The following HACE1 variants were observed in gnomAD, a reference collection of about 807,000 sequenced individuals.
The protein encoded by HACE1 is E3 ubiquitin-protein ligase HACE1.
In HACE1, 73 loss-of-function variants were observed where a neutral mutation model predicts 118.4. The ratio of observed to expected loss-of-function variants is 0.62; its 90% CI spans 0.51 to 0.75. The LOEUF (loss-of-function observed/expected upper bound fraction) is 0.75. HACE1 is among the 30% of genes least tolerant of loss of function. The pLI is 0.00. For missense variants in HACE1, 749 were observed against 1,102.2 expected (o/e 0.68, Z 4.54); for synonymous variants, 368 against 374.8 (o/e 0.98, Z 0.21).
chr6:104,756,542 T>C (rs1778706600), intron 19 of HACE1, among the ~76,000 whole-genome samples: 1 of 151,782 alleles, frequency 6.6e-6, no homozygotes, highest in Non-Finnish European at 1.5e-5. Context: ...TTGAGACAAA[T>C]TCAGTCATTG....
At position 104,826,541 on chromosome 6, in the gene HACE1, A is replaced by G. The variant is rs569376895; in HGVS notation, c.534+6501T>C. 2.6e-5 allele frequency among the ~76,000 whole-genome samples: 4 copies of G among 152,306 alleles called. No individual in the cohort carries two copies. In the East Asian group the frequency reaches 7.7e-4, roughly 29 times the overall value. Reference sequence around the variant, plus strand: ...AGCCATGAAGTCCAAAAAACCTAACAATTGTGATTTACAATGATGGTCATA... The same window carrying G: ...AGCCATGAAGTCCAAAAAACCTAACGATTGTGATTTACAATGATGGTCATA... On this transcript the variant is annotated intron_variant, in intron 6 of 23. Coordinates refer to ENST00000262903, the MANE Select transcript of HACE1 (RefSeq NM_020771.4).
chr6:104,785,748 C>T (rs912512693), intron 11 of HACE1: 2 of 161,518 alleles, frequency 1.2e-5, no homozygotes, highest in Non-Finnish European at 2.7e-5. Flanking sequence ...AATGAGAACC[C>T]CTAAGTATAA....
chr6:104,740,954 T>G (rs1385745256), intron 22 of HACE1, among the ~76,000 whole-genome samples: 2 of 129,676 alleles, frequency 1.5e-5, no homozygotes, highest in East Asian at 2.1e-4. Flanking sequence ...TCAAAAAGCT[T>G]ATCCACCATG....
intron 19 of HACE1, chr6:104,767,074 C>T (rs1481430336): frequency 6.6e-6 from 1 of 152,162 alleles, no homozygotes; most frequent in Admixed American, 6.6e-5. Flanking sequence ...AATATTAAGG[C>T]TGTTTCCACA....
chr6:104,785,882 C>T (rs1782335615), intron 11 of HACE1: 1 of 152,478 alleles, frequency 6.6e-6, no homozygotes, highest in Non-Finnish European at 1.5e-5. Flanking sequence ...TACTGTGCTC[C>T]TTTCATTACA....
rs558736477 is a variant in HACE1 at position 104,744,815 on chromosome 6, A to G, written c.2344-205T>C. Among the ~76,000 whole-genome samples, 207 of 152,316 alleles carry G rather than the reference A, an allele frequency of 1.4e-3. 2 individuals are homozygous for G. The highest frequency in any genetic ancestry group is 4.9e-3 in the African/African-American group (205 of 41,576). ...ATCTCAAATATTATAAGATGTGGAGATGTTTCCACATTGATACAATTTCAT... is the reference window on the plus strand; with the variant it reads ...ATCTCAAATATTATAAGATGTGGAGGTGTTTCCACATTGATACAATTTCAT... On this transcript the variant is annotated intron_variant, in intron 20 of 23. Coordinates refer to ENST00000262903, the MANE Select transcript of HACE1 (RefSeq NM_020771.4).
chr6:104,823,357 C>A (rs569770234), intron 6 of HACE1, among the ~76,000 whole-genome samples: 12 of 151,842 alleles, frequency 7.9e-5, no homozygotes, highest in African/African-American at 2.9e-4. Flanking sequence ...TCGCTTGAAC[C>A]TGGGAGGCAG....
At position 104,827,725 on chromosome 6, in the gene HACE1, T is replaced by C. The variant is rs548677227; in HGVS notation, c.534+5317A>G. On this transcript the variant is annotated intron_variant, in intron 6 of 23. Coordinates refer to ENST00000262903, the MANE Select transcript of HACE1 (RefSeq NM_020771.4). The stretch of plus-strand genomic sequence containing the variant: ...TCAATTAAGTTTACATGGCTGTCCG[T>C]AACTGGATGAAAAACTTGGAAGCTG... Among the ~76,000 whole-genome samples the C allele has an allele frequency of 1.1e-3, 160 of 152,236 alleles. 2 individuals carry two copies. Among genetic ancestry groups the C allele is most frequent in the African/African-American group, 3.5e-3 (146 of 41,550 alleles).
rs571485345 is a variant in HACE1, at chr6:104,771,328, T to A, written c.2076A>T (p.Gln692His). The A allele has an allele frequency of 6.2e-7, 1 of 1,612,584 alleles. No homozygotes were observed. The highest frequency in any genetic ancestry group is 8.5e-7 in the Non-Finnish European group (1 of 1,178,632). ...CACTTATATCATTATCTAAAATCCA[T>A]TGCAAATTTTTCGCATATTCTGGAT... ...SIDPEYAKNL[Q>H]WILDNDISDL... Residue 692 changes from glutamine (Q) to histidine (H), a missense_variant, in exon 19 of 24, where the codon CAA becomes CAT. Physicochemically the swap from Gln to His is conservative, Grantham distance 24. Coordinates refer to ENST00000262903, the MANE Select transcript of HACE1 (RefSeq NM_020771.4).
intron 22 of HACE1, chr6:104,730,618 C>T (rs932184628): frequency 7.2e-6 from 4 of 558,796 alleles, no homozygotes; most frequent in Non-Finnish European, 1.3e-5. Flanking sequence ...CACCCCTCCA[C>T]ATTTCCATAA....
rs975040390 is a variant in HACE1 at position 104,762,604 on chromosome 6, C to T, written c.2211+8589G>A. Among the ~76,000 whole-genome samples, 83 of 152,200 alleles carry T rather than the reference C, an allele frequency of 5.5e-4. 1 individual carries two copies. Among genetic ancestry groups the T allele is most frequent in the African/African-American group, 1.9e-3 (79 of 41,518 alleles). On this transcript the variant is annotated intron_variant, in intron 19 of 23. Coordinates refer to ENST00000262903, the MANE Select transcript of HACE1 (RefSeq NM_020771.4). Reference sequence around the variant, plus strand: ...TAGGAGAAATACCTAATGTAGCTGACGGTTTCATGGGTGCCACAAACCACC... The same window carrying T: ...TAGGAGAAATACCTAATGTAGCTGATGGTTTCATGGGTGCCACAAACCACC...
intron 20 of HACE1, among the ~76,000 whole-genome samples, chr6:104,749,230 T>A (rs1284910450): frequency 6.6e-6 from 1 of 152,148 alleles, no homozygotes; most frequent in African/African-American, 2.4e-5. Context: ...TCAGGTCTAA[T>A]AATATAATAG....
chr6:104,819,381 T>C (rs1772449706), intron 6 of HACE1, among the ~76,000 whole-genome samples: 1 of 152,088 alleles, frequency 6.6e-6, no homozygotes, highest in South Asian at 2.1e-4. Flanking sequence ...ATCAAAGATA[T>C]CAGAGATGAC....
At chr6:104,759,090 C>T (rs1779039778) in intron 19 of HACE1, among the ~76,000 whole-genome samples, 1 of 152,014 alleles carries the variant, frequency 6.6e-6, no homozygotes, top group East Asian at 1.9e-4. Flanking sequence ...TAGACTCCCA[C>T]ACAATAATGG....
At chr6:104,814,706 G>A (rs536029463) in intron 6 of HACE1, among the ~76,000 whole-genome samples, 5 of 137,344 alleles carry the variant, frequency 3.6e-5, no homozygotes, top group Admixed American at 7.2e-5. Flanking sequence ...GGGACCTGGT[G>A]AGAGGTGACC....
intron 6 of HACE1, among the ~76,000 whole-genome samples, chr6:104,823,934 C>A (rs573343046): frequency 1.3e-5 from 2 of 152,290 alleles, no homozygotes; most frequent in East Asian, 3.9e-4. Flanking sequence ...AGTCATTTCT[C>A]TGAGGACAGC....
In HACE1 at chr6:104,744,177, T is replaced by C. The variant is rs1210403795; in HGVS notation, c.2496A>G (p.Leu832=). Residue 832 remains leucine (L), a synonymous_variant, in exon 22 of 24, where the codon TTA becomes TTG. Coordinates refer to ENST00000262903, the MANE Select transcript of HACE1 (RefSeq NM_020771.4). Reference sequence around the variant, plus strand: ...CTGCTTACCTGCCCGTAACAAACTGTAAGAGAAGAACTCTCTCCTCTTGAG... The same window carrying C: ...CTGCTTACCTGCCCGTAACAAACTGCAAGAGAAGAACTCTCTCCTCTTGAG... ...DITQEERVLL[L]QFVTGSSRVP... 3 of 1,596,398 alleles carry C rather than the reference T, an allele frequency of 1.9e-6. No homozygotes were observed. The highest frequency in any genetic ancestry group is 1.1e-5 in the South Asian group (1 of 90,726).
intron 5 of HACE1, among the ~76,000 whole-genome samples, chr6:104,835,062 C>G (rs1003609847): frequency 6.6e-6 from 1 of 152,204 alleles, no homozygotes; most frequent in Non-Finnish European, 1.5e-5. Context: ...CTATCCAGCA[C>G]GCAGACTGTT....
At chr6:104,758,670 T>A (rs1296953846) in intron 19 of HACE1, among the ~76,000 whole-genome samples, 1 of 152,152 alleles carries the variant, frequency 6.6e-6, no homozygotes. Flanking sequence ...GCTAGCATCA[T>A]AATGACAGCA....
Sources: allele counts gnomAD v4.1 joint callset (sites outside exome capture counted in the v4.1 genomes callset), GRCh38; gene constraint gnomAD v4.1.1; transcripts MANE v1.5; gene names NCBI Gene and HGNC (gene_info 2026-07-23, HGNC 2026-07-21).